NIBAN2: variants seen among roughly 807,000 people sequenced by gnomAD.
The protein encoded by NIBAN2 is protein Niban 2.
NIBAN2 carries 36 observed loss-of-function variants against 81.8 expected under a neutral mutation model. The observed-to-expected ratio is 0.44, with a 90% CI of 0.34 to 0.58. The LOEUF is 0.58. Among genes scored for constraint, NIBAN2 ranks in the 20% least tolerant of loss-of-function variants. The probability of loss-of-function intolerance (pLI) is 0.02; values close to 1 mark genes in which losing one functional copy is unlikely to be tolerated. For missense variants in NIBAN2, 897 were observed against 1,014.1 expected, an observed-to-expected ratio of 0.88 and a Z score of 1.57; for synonymous variants, 445 against 441.6, an observed-to-expected ratio of 1.01 and a Z score of -0.10.
At chr9:127,535,954 G>T (rs2132196200) in intron 1 of NIBAN2, among the ~76,000 whole-genome samples, 1 of 152,180 alleles carries the variant, frequency 6.6e-6, no homozygotes, top group African/African-American at 2.4e-5. Flanking sequence ...GCAGGTAGGG[G>T]GACAGCATTA....
intron 8 of NIBAN2, among the ~76,000 whole-genome samples, chr9:127,510,784 G>A (rs565756155): frequency 2.6e-5 from 4 of 152,258 alleles, no homozygotes; most frequent in African/African-American, 9.6e-5. Context: ...CCAGGCCGGA[G>A]TGCAGTGGAA....
chr9:127,514,689 C>T (rs1836793253), intron 8 of NIBAN2, among the ~76,000 whole-genome samples: 1 of 152,222 alleles, frequency 6.6e-6, no homozygotes, highest in African/African-American at 2.4e-5. Context: ...ATGTAAAAGC[C>T]TTCTTCCTTT....
At chr9:127,528,245 G>A (rs956092356) in intron 2 of NIBAN2, among the ~76,000 whole-genome samples, 22 of 152,154 alleles carry the variant, frequency 1.4e-4, no homozygotes, top group African/African-American at 4.6e-4. Flanking sequence ...GGGCCCAAGC[G>A]AAGCTATGGC....
At chr9:127,554,548 C>CTTTCTTTTTTTTT (rs1837632346) in intron 1 of NIBAN2, among the ~76,000 whole-genome samples, 2 of 103,704 alleles carry the variant, frequency 1.9e-5, no homozygotes, top group South Asian at 3.6e-4. Context: ...TTTTCTTTTT[C>CTTTCTTTTTTTTT]TTTTTTTTTT....
intron 2 of NIBAN2, 47 bp downstream of exon 2, chr9:127,531,601 T>C (rs1229570627): frequency 6.3e-7 from 1 of 1,585,914 alleles, no homozygotes; most frequent in Non-Finnish European, 8.6e-7. Context: ...CGAGGCCACA[T>C]GGCGAGAAGT....
upstream of NIBAN2, chr9:127,579,001 G>A (rs890069611): frequency 7.7e-6 from 11 of 1,437,882 alleles, no homozygotes; most frequent in African/African-American, 5.7e-5. Context: ...CTCCTAGCAC[G>A]TCCTTGAGAG....
chr9:127,572,073 C>T (rs1028310155), upstream of NIBAN2, among the ~76,000 whole-genome samples: 2 of 152,100 alleles, frequency 1.3e-5, no homozygotes, highest in South Asian at 2.1e-4. Context: ...CTCTCTGTGT[C>T]GCCCAGGCTG....
At chr9:127,535,344 T>A (rs1415244346) in intron 1 of NIBAN2, among the ~76,000 whole-genome samples, 3 of 151,838 alleles carry the variant, frequency 2.0e-5, no homozygotes. Flanking sequence ...AGGAGCTGGG[T>A]TCAGAAAGGC....
Position 127,545,879 on chromosome 9 carries a change from C to G in NIBAN2, c.56-14101G>C, listed in dbSNP as rs79134592. Among the ~76,000 whole-genome samples, 1 of 152,230 alleles carries G rather than the reference C, an allele frequency of 6.6e-6. No homozygotes were observed. The highest frequency in any genetic ancestry group is 6.5e-5 in the Admixed American group (1 of 15,294). On this transcript the variant is annotated intron_variant, in intron 1 of 13. Coordinates refer to ENST00000373312, the MANE Select transcript of NIBAN2 (RefSeq NM_022833.4). The surrounding 1 kb of genome is among the most constrained non-coding windows in gnomAD (Gnocchi z 4.7). ...AAGCCCTCTCATCCCCTCCTGCCCCCCACCCCGCCTGCCTGGCAGCGGCCC... is the reference window on the plus strand; with the variant it reads ...AAGCCCTCTCATCCCCTCCTGCCCCGCACCCCGCCTGCCTGGCAGCGGCCC...
intron 8 of NIBAN2, among the ~76,000 whole-genome samples, chr9:127,515,095 C>T (rs1486450984): frequency 3.3e-5 from 5 of 152,142 alleles, no homozygotes; most frequent in African/African-American, 1.2e-4. Context: ...GCGTGGTGGC[C>T]TGCACCTGTA....
intron 1 of NIBAN2, among the ~76,000 whole-genome samples, chr9:127,560,108 G>T (rs1196161809): frequency 6.6e-6 from 1 of 152,186 alleles, no homozygotes; most frequent in Non-Finnish European, 1.5e-5. Flanking sequence ...GGGGAAGAAG[G>T]TTCTCATTTT....
Position 127,568,987 on chromosome 9 carries a change from GCC to G in NIBAN2, c.-115_-114del, listed in dbSNP as rs1837908965. ...GGCCCGCCCTGCTTCCCCCGCTCCC[GCC>G]GCTCCCGCCGCTCCCGCCGCCCGGC... On this transcript the variant is annotated 5_prime_UTR_variant, in exon 1 of 14. Coordinates refer to ENST00000373312, the MANE Select transcript of NIBAN2 (RefSeq NM_022833.4). 2 of 95,776 alleles carry G rather than the reference GCC, an allele frequency of 2.1e-5. No homozygotes were observed. 5.9% of individuals were successfully genotyped at this position (95,776 alleles called of 1,614,324 possible). A position where few individuals can be genotyped will look rare whatever the true frequency, so the allele number is the denominator to read the frequency against.
intron 2 of NIBAN2, among the ~76,000 whole-genome samples, chr9:127,528,738 C>T (rs1837123691): frequency 6.6e-6 from 1 of 152,160 alleles, no homozygotes. Context: ...ACAGAGCTGC[C>T]CTCAGCCGTC....
intron 1 of NIBAN2, among the ~76,000 whole-genome samples, chr9:127,564,797 T>C (rs1837830078): frequency 6.7e-6 from 1 of 150,360 alleles, no homozygotes; most frequent in African/African-American, 2.5e-5. Flanking sequence ...TGCTTGAACC[T>C]GGGAGGCGGA....
intron 1 of NIBAN2, among the ~76,000 whole-genome samples, chr9:127,534,301 C>T (rs996905217): frequency 1.3e-5 from 2 of 152,166 alleles, no homozygotes; most frequent in African/African-American, 2.4e-5. Flanking sequence ...CTCCAGGTAC[C>T]GAGGGCACCT....
In NIBAN2 at chr9:127,517,081, G is replaced by A. The variant is rs753174471; in HGVS notation, c.810+31C>T. The A allele has an allele frequency of 6.8e-5, 109 of 1,610,886 alleles. 1 individual carries two copies. The South Asian group carries it at 1.0e-3, about 15-fold the overall frequency. On this transcript the variant is annotated intron_variant, in intron 7 of 13. Transcript: ENST00000373312. This position sits in a 1 kb window ranked among gnomAD's most constrained non-coding sequence, Gnocchi z 4.0. Reference sequence around the variant, plus strand: ...GGGCACCGCACCAGCTGCAGGTCCCGTCCCCGCTCCAGGGCCCCAGGCCCA... The same window carrying A: ...GGGCACCGCACCAGCTGCAGGTCCCATCCCCGCTCCAGGGCCCCAGGCCCA...
chr9:127,512,843 C>T (rs2265689), intron 8 of NIBAN2, among the ~76,000 whole-genome samples: 149,418 of 152,286 alleles, frequency 0.98, 73,385 homozygotes, highest in South Asian at 1. Flanking sequence ...AGAGCTACCA[C>T]ACAATCCAGC....
At chr9:127,530,712 C>T (rs1408366944) in intron 2 of NIBAN2, among the ~76,000 whole-genome samples, 2 of 152,230 alleles carry the variant, frequency 1.3e-5, no homozygotes, top group Non-Finnish European at 2.9e-5. Context: ...GTGTTCTCAT[C>T]CCATTTGACA....
In NIBAN2 at chr9:127,545,417, G is replaced by A. The variant is rs537888470; in HGVS notation, c.56-13639C>T. 4.6e-5 allele frequency among the ~76,000 whole-genome samples: 7 copies of A among 152,276 alleles called. No homozygotes were observed. The East Asian group carries it at 1.2e-3, about 25-fold the overall frequency. On this transcript the variant is annotated intron_variant, in intron 1 of 13. Coordinates refer to ENST00000373312, the MANE Select transcript of NIBAN2 (RefSeq NM_022833.4). The surrounding 1 kb of genome is among the most constrained non-coding windows in gnomAD (Gnocchi z 4.7). ...CAGCACCCAGCTCCCGCCAGGCCCAGGGGGGTGCTTGATAAACAAGTGCCG... is the reference window on the plus strand; with the variant it reads ...CAGCACCCAGCTCCCGCCAGGCCCAAGGGGGTGCTTGATAAACAAGTGCCG...
Sources: allele counts gnomAD v4.1 joint callset (sites outside exome capture counted in the v4.1 genomes callset), GRCh38; gene constraint gnomAD v4.1.1; non-coding constraint Gnocchi (gnomAD v3.1); transcripts MANE v1.5; gene names NCBI Gene and HGNC (gene_info 2026-07-23, HGNC 2026-07-21).